The following FBXO31 variants were observed in gnomAD, a reference collection of about 807,000 sequenced individuals.
FBXO31 encodes F-box protein 31, also known as F-box only protein 31.
In FBXO31, 24 loss-of-function variants were observed where a neutral mutation model predicts 54.4. The ratio of observed to expected loss-of-function variants is 0.44; its 90% CI spans 0.32 to 0.62. The LOEUF is 0.62. FBXO31 is among the 20% of genes least tolerant of loss of function. The probability of loss-of-function intolerance (pLI) is 0.05; values close to 1 mark genes in which losing one functional copy is unlikely to be tolerated. For synonymous variants in FBXO31, 388 were observed against 335.6 expected (o/e 1.16, Z -1.71); for missense variants, 665 against 787.1 (o/e 0.84, Z 1.86).
At chr16:87,337,771 G>A (rs905964807) in intron 5 of FBXO31, among the ~76,000 whole-genome samples, 16 of 151,900 alleles carry the variant, frequency 1.1e-4, no homozygotes, top group Admixed American at 2.0e-4. Flanking sequence ...TTCAAGATGG[G>A]GCACAGGCCT....
chr16:87,365,866 G>A (rs913928224), intron 1 of FBXO31, among the ~76,000 whole-genome samples: 42 of 151,914 alleles, frequency 2.8e-4, no homozygotes, highest in Non-Finnish European at 3.2e-4. Context: ...GGTCTCTATT[G>A]AAAATACAAA....
chr16:87,350,027 C>G (rs901555582), intron 2 of FBXO31, among the ~76,000 whole-genome samples: 4 of 152,160 alleles, frequency 2.6e-5, no homozygotes, highest in Non-Finnish European at 4.4e-5. Flanking sequence ...ACCACATGCA[C>G]AGTCCACATG....
chr16:87,376,720 T>C (rs1906839288), intron 1 of FBXO31, among the ~76,000 whole-genome samples: 1 of 152,192 alleles, frequency 6.6e-6, no homozygotes, highest in Non-Finnish European at 1.5e-5. Flanking sequence ...GCCACCCTTA[T>C]ACCTCTGCCA....
rs1905330243 is a variant in FBXO31, at chr16:87,345,160, A to T, written c.490-1395T>A. Among the ~76,000 whole-genome samples the T allele has an allele frequency of 6.6e-6, 1 of 152,186 alleles. No homozygotes were observed. On this transcript the variant is annotated intron_variant, in intron 3 of 8. Coordinates refer to ENST00000311635, the MANE Select transcript of FBXO31 (RefSeq NM_024735.5). This position sits in a 1 kb window ranked among gnomAD's most constrained non-coding sequence, Gnocchi z 4.9. ...CTCGCTGGGCTCAGCCCCTGGTCCCACAAAAGGGAGCGGAGCACAATCCCA... is the reference window on the plus strand; with the variant it reads ...CTCGCTGGGCTCAGCCCCTGGTCCCTCAAAAGGGAGCGGAGCACAATCCCA...
chr16:87,343,830 C>T lies in FBXO31; in HGVS notation c.490-65G>A, dbSNP rs116482570. The T allele has an allele frequency of 9.7e-4, 1,515 of 1,562,682 alleles. 11 individuals are homozygous for T. The African/African-American group carries it at 0.018, about 19-fold the overall frequency. On this transcript the variant is annotated intron_variant, in intron 3 of 8. Transcript: ENST00000311635. ...GGGCCAGAGCAAGGGCGGCCCCGCA[C>T]GGCTCCCCGCACTGCAATGGCACAG...
intron 1 of FBXO31, among the ~76,000 whole-genome samples, chr16:87,377,492 GA>G (rs1192805362): frequency 6.6e-6 from 1 of 152,096 alleles, no homozygotes; most frequent in East Asian, 1.9e-4. Context: ...AAATGAAGTT[GA>G]AAAGCAAATG....
intron 1 of FBXO31, among the ~76,000 whole-genome samples, chr16:87,363,681 C>T (rs1347050619): frequency 5.3e-5 from 8 of 152,156 alleles, no homozygotes; most frequent in Middle Eastern, 6.8e-3. Flanking sequence ...TTAAGTGCTA[C>T]GGGGAAATCA....
chr16:87,334,997 G>C (rs905869435), intron 7 of FBXO31, among the ~76,000 whole-genome samples: 1 of 152,194 alleles, frequency 6.6e-6, no homozygotes, highest in African/African-American at 2.4e-5. Flanking sequence ...CCTCTGTGTG[G>C]GGTCTGCTGT....
At chr16:87,339,567 T>G (rs938695253) in intron 5 of FBXO31, among the ~76,000 whole-genome samples, 1 of 152,184 alleles carries the variant, frequency 6.6e-6, no homozygotes, top group Non-Finnish European at 1.5e-5. Context: ...AGCCCCAGCC[T>G]CTGCCCTACC....
chr16:87,329,272 A>C lies in FBXO31; in HGVS notation c.*2016T>G, dbSNP rs1220844415. 6.6e-6 allele frequency: 1 copy of C among 152,430 alleles called. No homozygotes were observed. The highest frequency in any genetic ancestry group is 1.5e-5 in the Non-Finnish European group (1 of 68,210). The allele number at this position is 152,430 out of a possible 1,614,324, so 9.4% of individuals were successfully genotyped here. A position where few individuals can be genotyped will look rare whatever the true frequency, so the allele number is the denominator to read the frequency against. On this transcript the variant is annotated 3_prime_UTR_variant, in exon 9 of 9. Transcript: ENST00000311635. ...GAACCAGGAGCCACATGAACTGACC[A>C]ACAGCCCATGGCTGAGACATGATGG...
intron 2 of FBXO31, among the ~76,000 whole-genome samples, chr16:87,359,616 G>A (rs1292080474): frequency 6.6e-6 from 1 of 152,172 alleles, no homozygotes; most frequent in East Asian, 1.9e-4. Flanking sequence ...CTCAAAGAAT[G>A]GTCAGAAGAT....
chr16:87,343,551 A>C (rs1291977632), intron 4 of FBXO31, 47 bp downstream of exon 4: 1 of 1,554,196 alleles, frequency 6.4e-7, no homozygotes, highest in Non-Finnish European at 8.7e-7. Context: ...GAGCCCACAC[A>C]GGACAGCCCT....
At chr16:87,351,373 G>A (rs968693020) in intron 2 of FBXO31, among the ~76,000 whole-genome samples, 12 of 151,898 alleles carry the variant, frequency 7.9e-5, no homozygotes, top group East Asian at 1.9e-4. Context: ...TTCTAAATTC[G>A]GAGGATGCAG....
chr16:87,375,113 T>A (rs111574363), intron 1 of FBXO31, among the ~76,000 whole-genome samples: 3 of 152,062 alleles, frequency 2.0e-5, no homozygotes, highest in Non-Finnish European at 4.4e-5. Context: ...GGTTAGGAGA[T>A]CAAGAACACG....
chr16:87,333,213 C>T (rs769412053), intron 8 of FBXO31, among the ~76,000 whole-genome samples: 5 of 152,236 alleles, frequency 3.3e-5, no homozygotes, highest in African/African-American at 9.7e-5. Context: ...CAGGAGCTGG[C>T]AGCTGTGCAA....
At chr16:87,391,207 T>C (rs373025846), upstream of FBXO31, among the ~76,000 whole-genome samples, 1 of 152,034 alleles carries the variant, frequency 6.6e-6, no homozygotes, top group Non-Finnish European at 1.5e-5. Context: ...CTCGGGAGGC[T>C]GAGGCAGGAG....
chr16:87,340,544 C>T (rs1905159981), intron 5 of FBXO31, among the ~76,000 whole-genome samples: 1 of 152,198 alleles, frequency 6.6e-6, no homozygotes, highest in South Asian at 2.1e-4. Flanking sequence ...CAGACACAGA[C>T]ACAAGAGAAA....
upstream of FBXO31, among the ~76,000 whole-genome samples, chr16:87,391,006 G>A (rs1322613227): frequency 1.3e-5 from 2 of 152,234 alleles, no homozygotes; most frequent in African/African-American, 4.8e-5. Context: ...GTCAAAAGGA[G>A]AAATCCTGGA....
At chr16:87,333,577 C>T (rs1904937491) in intron 8 of FBXO31, among the ~76,000 whole-genome samples, 1 of 152,188 alleles carries the variant, frequency 6.6e-6, no homozygotes, top group African/African-American at 2.4e-5. Context: ...CTTTAGAAGC[C>T]CCTGGGGGAG....
Sources: allele counts gnomAD v4.1 joint callset (sites outside exome capture counted in the v4.1 genomes callset), GRCh38; gene constraint gnomAD v4.1.1; non-coding constraint Gnocchi (gnomAD v3.1); transcripts MANE v1.5; gene names NCBI Gene and HGNC (gene_info 2026-07-23, HGNC 2026-07-21).